The following RNASE10 variants were observed in gnomAD, a reference collection of about 807,000 sequenced individuals.
The protein encoded by RNASE10 is inactive ribonuclease-like protein 10.
A neutral mutation model predicts 1.1 loss-of-function variants in RNASE10; 2 were observed. The ratio of observed to expected loss-of-function variants is 1.82; its 90% CI spans 0.74 to 5.73. The LOEUF (loss-of-function observed/expected upper bound fraction) is 5.73. Ranked by LOEUF, RNASE10 falls within the 30% of genes most tolerant of loss-of-function variation. RNASE10 has a pLI of 0.05. For missense variants in RNASE10, 276 were observed against 263.4 expected (o/e 1.05, Z -0.33); for synonymous variants, 97 against 96.2 (o/e 1.01, Z -0.05).
intron 1 of RNASE10, among the ~76,000 whole-genome samples, chr14:20,507,023 T>C (rs868354768): frequency 5.6e-5 from 8 of 143,080 alleles, no homozygotes; most frequent in African/African-American, 1.9e-4. Context: ...CCAGCCGCCC[T>C]GTCCGGGAGG....
chr14:20,504,446 G>C (rs1327215715), upstream of RNASE10, among the ~76,000 whole-genome samples: 1 of 152,014 alleles, frequency 6.6e-6, no homozygotes, highest in Non-Finnish European at 1.5e-5. Flanking sequence ...CGAGCACTTT[G>C]GGAGGCCGAG....
chr14:20,510,718 G>T, exon 2 of RNASE10: 1 of 1,614,246 alleles, frequency 6.2e-7, no homozygotes, highest in Non-Finnish European at 8.5e-7. Flanking sequence ...CTGGCCAGAA[G>T]ATCCCATCCT....
chr14:20,509,287 A>G (rs1393579923), intron 1 of RNASE10, among the ~76,000 whole-genome samples: 1 of 152,234 alleles, frequency 6.6e-6, no homozygotes, highest in Non-Finnish European at 1.5e-5. Flanking sequence ...ACCTCAGGTG[A>G]TCCACCTGCC....
At position 20,510,821 on chromosome 14, in the gene RNASE10, G is replaced by A. The variant is rs367915777; in HGVS notation, c.434G>A (p.Arg145Lys). The stretch of plus-strand genomic sequence containing the variant: ...TATCTTAGGCTTGACCAGACAGATA[G>A]AGAATGCAATGATATGATGGCACAC... The change falls in exon 2 of 2, where the codon AGA (arginine) becomes AAA (lysine). Residue 145 changes from arginine to lysine, a missense_variant. Arg to Lys is a conservative substitution (Grantham distance 26). Coordinates refer to ENST00000430083, the Ensembl canonical transcript of RNASE10. 5.6e-5 allele frequency: 91 copies of A among 1,614,196 alleles called. 1 individual carries two copies. The African/African-American group carries it at 1.1e-3, about 19-fold the overall frequency.
At chr14:20,505,259 T>TCTCTCCC (rs1882661951), upstream of RNASE10, among the ~76,000 whole-genome samples, 1 of 80,012 alleles carries the variant, frequency 1.2e-5, no homozygotes, top group African/African-American at 5.7e-5. Flanking sequence ...AAAAGTGAGT[T>TCTCTCCC]TGCTCCCTCT....
chr14:20,508,126 C>G lies in RNASE10; in HGVS notation c.79+2107C>G, dbSNP rs370610129. Among the ~76,000 whole-genome samples the G allele has an allele frequency of 2.6e-5, 4 of 152,156 alleles. No individual in the cohort carries two copies. The East Asian group carries it at 7.7e-4, about 29-fold the overall frequency. On this transcript the variant is annotated intron_variant, in intron 1 of 1. Transcript: ENST00000430083. ...TATACATATCCATATATCTATATTC[C>G]GAAGCATTTGAGAGTATATTGCATA...
rs1378475861 is a variant in RNASE10, at chr14:20,510,556, A to G, written c.169A>G (p.Met57Val). The G allele has an allele frequency of 1.9e-6, 3 of 1,614,126 alleles. No homozygotes were observed. The Admixed American group carries it at 5.0e-5, about 27-fold the overall frequency. The change falls in exon 2 of 2, where the codon ATG becomes GTG. Residue 57 changes from methionine to valine, a missense_variant. Met to Val is a conservative substitution (Grantham distance 21). Transcript: ENST00000430083. Reference sequence around the variant, plus strand: ...GATGGGCCTGGGGTTGGGACTTCATATGGCTACAGCAGTCTTGGAGGAGAG... The same window carrying G: ...GATGGGCCTGGGGTTGGGACTTCATGTGGCTACAGCAGTCTTGGAGGAGAG...
chr14:20,505,313 CCTCTCCCTCTCCCTCCA>C (rs2139362796), upstream of RNASE10, among the ~76,000 whole-genome samples: 1 of 90,322 alleles, frequency 1.1e-5, no homozygotes, highest in South Asian at 4.9e-4. Flanking sequence ...TCTCCCTCTC[CCTCTCCCTCTCCCTCCA>C]CGGTCTCCTT....
Position 20,506,497 on chromosome 14 carries a change from T to G in RNASE10, c.79+478T>G, listed in dbSNP as rs1189846197. On this transcript the variant is annotated intron_variant, in intron 1 of 1. Coordinates refer to ENST00000430083, the Ensembl canonical transcript of RNASE10. ...CCGTCCGGGAGGGAGGTGGTGGGGG[T>G]CAGCCCCCCGCCCGGCCAGCCGCCC... 6.1e-4 allele frequency among the ~76,000 whole-genome samples: 65 copies of G among 106,992 alleles called. 1 individual carries two copies. Among genetic ancestry groups the G allele is most frequent in the African/African-American group, 1.9e-3 (51 of 26,154 alleles). 70.2% of individuals were successfully genotyped at this position (106,992 alleles called of 152,430 possible). A position where few individuals can be genotyped will look rare whatever the true frequency, so the allele number is the denominator to read the frequency against.
chr14:20,510,960 G>A (rs1413412825), exon 2 of RNASE10: 4 of 1,606,136 alleles, frequency 2.5e-6, no homozygotes, highest in Admixed American at 3.4e-5. Context: ...AGCTCAAGGG[G>A]GGAAAATGTC....
At chr14:20,510,504 G>A (rs772819067) in exon 2 of RNASE10, 5 of 1,611,132 alleles carry the variant, frequency 3.1e-6, no homozygotes, top group South Asian at 2.2e-5. Context: ...TCTTTTTCAT[G>A]TTGCTGATGC....
At position 20,505,832 on chromosome 14, in the gene RNASE10, C is replaced by T. The variant is rs1166220854; in HGVS notation, c.-109C>T. 3 of 95,358 alleles carry T rather than the reference C, an allele frequency of 3.1e-5. No homozygotes were observed. In the East Asian group the frequency reaches 7.5e-4, roughly 24 times the overall value. The allele number at this position is 95,358 out of a possible 1,614,324, so 5.9% of individuals were successfully genotyped here. ...GCTGCCCAGTCTGGAAAGTGAGGAGCGTCTCTGCCCGGCCGCCATCCCATC... is the reference window on the plus strand; with the variant it reads ...GCTGCCCAGTCTGGAAAGTGAGGAGTGTCTCTGCCCGGCCGCCATCCCATC... On this transcript the variant is annotated 5_prime_UTR_variant, in exon 1 of 2. Transcript: ENST00000430083.
intron 1 of RNASE10, among the ~76,000 whole-genome samples, chr14:20,507,626 A>AAT (rs1555335716): frequency 3.9e-5 from 3 of 77,404 alleles, no homozygotes; most frequent in African/African-American, 1.4e-4. Flanking sequence ...AAATAAATAA[A>AAT]TAAATAAATA....
chr14:20,510,765 A>G, exon 2 of RNASE10: 2 of 1,614,230 alleles, frequency 1.2e-6, no homozygotes, highest in East Asian at 2.2e-5. Flanking sequence ...AGATGCTCAG[A>G]GCCTCAGCTC....
downstream of RNASE10, among the ~76,000 whole-genome samples, chr14:20,513,434 G>A (rs1043079953): frequency 1.4e-4 from 22 of 152,072 alleles, no homozygotes; most frequent in Non-Finnish European, 1.6e-4. Flanking sequence ...GACTTTCACC[G>A]AGTCTTCTAA....
chr14:20,510,403 A>G (rs1882864679), intron 1 of RNASE10, 64 bp from the exon 2 acceptor site: 1 of 1,541,596 alleles, frequency 6.5e-7, no homozygotes, highest in African/African-American at 1.4e-5. Context: ...GTGAGATTAC[A>G]GTCTCTACTA....
chr14:20,508,655 C>T (rs1882812709), intron 1 of RNASE10, among the ~76,000 whole-genome samples: 1 of 152,038 alleles, frequency 6.6e-6, no homozygotes. Flanking sequence ...GAAAGTGTCT[C>T]AACTTAATAA....
intron 1 of RNASE10, among the ~76,000 whole-genome samples, chr14:20,507,782 C>T (rs185238813): frequency 1.2e-3 from 181 of 151,446 alleles, no homozygotes; most frequent in African/African-American, 4.0e-3. Context: ...ATTCTCACTC[C>T]GGTTGCCCAG....
At chr14:20,510,947 G>A in exon 2 of RNASE10, 1 of 1,609,048 alleles carries the variant, frequency 6.2e-7, no homozygotes, top group Non-Finnish European at 8.5e-7. Context: ...GTCATTGCCT[G>A]TGAGCTCAAG....
Sources: allele counts gnomAD v4.1 joint callset (sites outside exome capture counted in the v4.1 genomes callset), GRCh38; gene constraint gnomAD v4.1.1; transcripts MANE v1.5; gene names NCBI Gene and HGNC (gene_info 2026-07-23, HGNC 2026-07-21).